COL25A1: variants seen among roughly 807,000 people sequenced by gnomAD.
COL25A1 encodes the protein collagen alpha-1(XXV) chain.
COL25A1 carries 103 observed loss-of-function variants against 128.4 expected under a neutral mutation model. The ratio of observed to expected loss-of-function variants is 0.80; its 90% confidence interval spans 0.68 to 0.94. The LOEUF (loss-of-function observed/expected upper bound fraction) is 0.94. COL25A1 is among the 40% of genes least tolerant of loss of function. The probability of loss-of-function intolerance (pLI) is 0.00; values close to 1 mark genes in which losing one functional copy is unlikely to be tolerated. For missense variants in COL25A1, 745 were observed against 840.0 expected (o/e 0.89, Z 1.40); for synonymous variants, 279 against 277.2 (o/e 1.01, Z -0.06).
At chr4:108,945,518 T>G (rs1354354930) in intron 8 of COL25A1, among the ~76,000 whole-genome samples, 1 of 152,054 alleles carries the variant, frequency 6.6e-6, no homozygotes, top group African/African-American at 2.4e-5. Context: ...TCTAAACAAA[T>G]AGAATGGACA....
intron 16 of COL25A1, among the ~76,000 whole-genome samples, chr4:108,890,925 C>T (rs886508898): frequency 2.6e-5 from 4 of 152,192 alleles, no homozygotes; most frequent in Admixed American, 6.5e-5. Flanking sequence ...ACACATCAGA[C>T]GCATGCCCCT....
At chr4:109,169,824 C>T (rs1773424494) in intron 3 of COL25A1, among the ~76,000 whole-genome samples, 1 of 152,182 alleles carries the variant, frequency 6.6e-6, no homozygotes, top group East Asian at 1.9e-4. Context: ...TTAAAATTTT[C>T]TTATTACACA....
At chr4:109,043,619 T>C (rs1354090213) in intron 5 of COL25A1, among the ~76,000 whole-genome samples, 2 of 152,080 alleles carry the variant, frequency 1.3e-5, no homozygotes, top group African/African-American at 4.8e-5. Flanking sequence ...TTTCTGGCTA[T>C]AGTTACAGGA....
At chr4:108,884,144 T>G (rs1385010139) in intron 19 of COL25A1, 34 bp downstream of exon 19, 2 of 1,607,878 alleles carry the variant, frequency 1.2e-6, no homozygotes, top group Admixed American at 1.7e-5. Context: ...TAATTACAGT[T>G]CTGTGAAGCC....
intron 27 of COL25A1, 94 bp from the exon 28 acceptor site, chr4:108,846,313 T>C (rs115566592): frequency 0.035 from 29,017 of 822,512 alleles, 669 homozygotes; most frequent in Middle Eastern, 0.052. Context: ...ATTTCGTTAA[T>C]AGGTGGGTTC....
At chr4:109,234,838 T>G (rs1260006902) in intron 3 of COL25A1, among the ~76,000 whole-genome samples, 1 of 151,998 alleles carries the variant, frequency 6.6e-6, no homozygotes, top group Non-Finnish European at 1.5e-5. Context: ...ATCCCGTTCT[T>G]CCCAACCTTA....
chr4:108,925,945 G>A (rs1467475908), intron 11 of COL25A1, among the ~76,000 whole-genome samples: 5 of 152,134 alleles, frequency 3.3e-5, no homozygotes, highest in Non-Finnish European at 5.9e-5. Flanking sequence ...AAACAATTAC[G>A]CAAACAGTAG....
At chr4:108,936,566 C>CAAAA (rs1747439604) in intron 11 of COL25A1, among the ~76,000 whole-genome samples, 1 of 151,836 alleles carries the variant, frequency 6.6e-6, no homozygotes, top group Non-Finnish European at 1.5e-5. Flanking sequence ...GACTCTGTCT[C>CAAAA]AAACAAACAA....
intron 3 of COL25A1, among the ~76,000 whole-genome samples, chr4:109,149,328 A>T (rs1771245953): frequency 1.3e-5 from 2 of 152,176 alleles, no homozygotes. Context: ...AATAACATTA[A>T]ATTTTAGCAA....
At chr4:109,262,626 G>T (rs537755062) in intron 3 of COL25A1, among the ~76,000 whole-genome samples, 1 of 152,070 alleles carries the variant, frequency 6.6e-6, no homozygotes, top group African/African-American at 2.4e-5. Flanking sequence ...TCAGTTCATC[G>T]GTAAAAGTTA....
intron 5 of COL25A1, among the ~76,000 whole-genome samples, chr4:109,027,078 A>G (rs1758370807): frequency 2.6e-5 from 4 of 152,242 alleles, no homozygotes; most frequent in Admixed American, 2.6e-4. Flanking sequence ...GTGTGCAGGC[A>G]TTCTTCAGGT....
intron 3 of COL25A1, among the ~76,000 whole-genome samples, chr4:109,179,966 T>A (rs1774470247): frequency 6.6e-6 from 1 of 152,222 alleles, no homozygotes; most frequent in Non-Finnish European, 1.5e-5. Context: ...GTCAAATAGA[T>A]GCCTCAGTGC....
chr4:108,914,537 T>C (rs908972484), intron 13 of COL25A1, among the ~76,000 whole-genome samples: 2 of 152,108 alleles, frequency 1.3e-5, no homozygotes, highest in Non-Finnish European at 2.9e-5. Context: ...AGCCAGGGGA[T>C]AGAGAACACA....
chr4:109,286,177 C>T (rs1020533689), intron 3 of COL25A1, among the ~76,000 whole-genome samples: 12 of 152,170 alleles, frequency 7.9e-5, no homozygotes, highest in African/African-American at 1.2e-4. Flanking sequence ...CAACAAACTA[C>T]AGCAATAGAC....
chr4:109,253,696 G>C (rs1267332349), intron 3 of COL25A1, among the ~76,000 whole-genome samples: 1 of 152,004 alleles, frequency 6.6e-6, no homozygotes, highest in Admixed American at 6.6e-5. Flanking sequence ...AAAAAATCTA[G>C]GTGTTTTTTC....
At chr4:109,186,119 T>C (rs1775108240) in intron 3 of COL25A1, among the ~76,000 whole-genome samples, 1 of 151,750 alleles carries the variant, frequency 6.6e-6, no homozygotes, top group Admixed American at 6.6e-5. Context: ...CTTCCGACCT[T>C]CCAGCTGGGA....
At chr4:108,868,006 G>C (rs1230588781) in intron 20 of COL25A1, among the ~76,000 whole-genome samples, 1 of 152,124 alleles carries the variant, frequency 6.6e-6, no homozygotes, top group Non-Finnish European at 1.5e-5. Context: ...ACGTTATTCA[G>C]AGTAGATCCT....
rs370226831 is a variant in COL25A1 at position 108,897,843 on chromosome 4, A to C, written c.862-1132T>G. Among the ~76,000 whole-genome samples, 329 of 152,302 alleles carry C rather than the reference A, an allele frequency of 2.2e-3. 1 individual carries two copies. The highest frequency in any genetic ancestry group is 7.5e-3 in the African/African-American group (312 of 41,572). ...TGTATTTTGTTTTATTCTTTCAAAT[A>C]AGCATGAAGTTAGTCTGCCTGGGCA... On this transcript the variant is annotated intron_variant, in intron 15 of 37. Coordinates refer to ENST00000399132, the MANE Select transcript of COL25A1 (RefSeq NM_198721.4).
At chr4:108,928,542 T>G (rs1075238) in intron 11 of COL25A1, among the ~76,000 whole-genome samples, 106 of 151,982 alleles carry the variant, frequency 7.0e-4, no homozygotes, top group Admixed American at 2.0e-3. Context: ...ATTTATGTAT[T>G]TATTTATTTA....
Sources: gnomAD v4.1 joint callset for allele counts (sites outside exome capture counted in the v4.1 genomes callset) on GRCh38, gnomAD v4.1.1 for gene constraint, MANE v1.5 for transcripts, NCBI Gene and HGNC (gene_info 2026-07-23, HGNC 2026-07-21) for gene names.